The following STARD13 variants were observed in gnomAD, a reference collection of about 807,000 sequenced individuals.
The protein encoded by STARD13 is stAR-related lipid transfer protein 13.
In STARD13, 62 loss-of-function variants were observed where a neutral mutation model predicts 106.4. The ratio of observed to expected loss-of-function variants is 0.58; its 90% CI spans 0.48 to 0.72. The LOEUF (loss-of-function observed/expected upper bound fraction) is 0.72. Ranked by LOEUF, STARD13 falls within the 30% of genes least tolerant of loss-of-function variation. The pLI, the probability that STARD13 is intolerant of heterozygous loss-of-function variation, is 0.00. For synonymous variants in STARD13, 565 were observed against 553.0 expected (o/e 1.02, Z -0.31); for missense variants, 1,387 against 1,424.0 (o/e 0.97, Z 0.42).
chr13:33,362,891 G>A, the STARD13 span, among the ~76,000 whole-genome samples: 1 of 152,204 alleles, frequency 6.6e-6, no homozygotes, highest in South Asian at 2.1e-4. Context: ...ACCTAGAGCA[G>A]TGTTTGATAC....
the STARD13 span, among the ~76,000 whole-genome samples, chr13:33,484,505 C>T: frequency 6.6e-6 from 1 of 152,144 alleles, no homozygotes; most frequent in Non-Finnish European, 1.5e-5. Context: ...CTGTAGCCCC[C>T]ACCCAGAAGC....
At chr13:33,108,349 T>C (rs975046211) in intron 12 of STARD13, among the ~76,000 whole-genome samples, 2 of 152,218 alleles carry the variant, frequency 1.3e-5, no homozygotes, top group South Asian at 2.1e-4. Flanking sequence ...ATCTGGTTCA[T>C]TGTTAGCCCG....
chr13:33,357,757 C>T, the STARD13 span, among the ~76,000 whole-genome samples: 2 of 152,164 alleles, frequency 1.3e-5, no homozygotes, highest in Non-Finnish European at 2.9e-5. Context: ...ATATGAAACC[C>T]CATCTCTACT....
intron 1 of STARD13, chr13:33,279,789 TTA>T (rs1186044142): frequency 1.3e-5 from 2 of 152,250 alleles, no homozygotes; most frequent in African/African-American, 4.8e-5. Context: ...TTGACTTCTT[TTA>T]GTTTTACTAT....
At chr13:33,106,325 G>C (rs2138048967) in intron 13 of STARD13, among the ~76,000 whole-genome samples, 1 of 152,322 alleles carries the variant, frequency 6.6e-6, no homozygotes, top group East Asian at 1.9e-4. Context: ...GGAGGCTGAG[G>C]AGGGAGGATC....
At chr13:33,671,811 T>C in the STARD13 span, among the ~76,000 whole-genome samples, 4 of 152,190 alleles carry the variant, frequency 2.6e-5, no homozygotes, top group Non-Finnish European at 4.4e-5. Context: ...CCTAAAATAA[T>C]ACATAAGTCA....
chr13:33,255,916 T>C (rs545198502), intron 1 of STARD13, among the ~76,000 whole-genome samples: 1 of 152,304 alleles, frequency 6.6e-6, no homozygotes, highest in East Asian at 1.9e-4. Context: ...ACAGGTAGTA[T>C]AAGACTCTTC....
the STARD13 span, among the ~76,000 whole-genome samples, chr13:33,479,413 A>T: frequency 6.6e-6 from 1 of 152,230 alleles, no homozygotes; most frequent in African/African-American, 2.4e-5. Flanking sequence ...ATGCAAAAAG[A>T]CAGATGCATA....
At chr13:33,419,143 G>T in the STARD13 span, among the ~76,000 whole-genome samples, 1 of 152,196 alleles carries the variant, frequency 6.6e-6, no homozygotes, top group African/African-American at 2.4e-5. Context: ...GTAAGCTTCA[G>T]AAGGTTGGTA....
chr13:33,220,032 T>C (rs1888268346), intron 1 of STARD13, among the ~76,000 whole-genome samples: 1 of 152,178 alleles, frequency 6.6e-6, no homozygotes, highest in Admixed American at 6.5e-5. Context: ...GCTCACTTTT[T>C]GGCTTTAATG....
intron 1 of STARD13, among the ~76,000 whole-genome samples, chr13:33,207,905 C>T (rs1887506985): frequency 6.6e-6 from 1 of 152,194 alleles, no homozygotes; most frequent in Non-Finnish European, 1.5e-5. Flanking sequence ...GCTGCTCCTG[C>T]TCCTACCCTG....
intron 1 of STARD13, chr13:33,180,607 G>A (rs989732484): frequency 1.5e-4 from 23 of 152,162 alleles, no homozygotes; most frequent in African/African-American, 4.8e-4. Flanking sequence ...GGAGTCCAAG[G>A]TCATTGATCT....
the STARD13 span, among the ~76,000 whole-genome samples, chr13:33,492,203 A>G: frequency 6.6e-6 from 1 of 152,194 alleles, no homozygotes; most frequent in Non-Finnish European, 1.5e-5. Flanking sequence ...ATCTGGATGT[A>G]TATGTGCAGG....
At chr13:33,114,007 G>T (rs1875002408) in intron 8 of STARD13, among the ~76,000 whole-genome samples, 1 of 152,182 alleles carries the variant, frequency 6.6e-6, no homozygotes, top group African/African-American at 2.4e-5. Context: ...TTCTCAAGGG[G>T]TGGGGAGGTG....
At position 33,130,430 on chromosome 13, in the gene STARD13, C is replaced by T. The variant is rs1878121669; in HGVS notation, c.388-141G>A. ...TGCACAGGTGTGAGCTTCTTGGGCA[C>T]CTCTAAGCTGTCCTTCTACCACTTG... On this transcript the variant is annotated intron_variant, in intron 4 of 13. Coordinates refer to ENST00000336934, the MANE Select transcript of STARD13 (RefSeq NM_178006.4). The surrounding 1 kb of genome is among the most constrained non-coding windows in gnomAD (Gnocchi z 4.1). 1.3e-6 allele frequency: 1 copy of T among 751,388 alleles called. No homozygotes were observed. Among genetic ancestry groups the T allele is most frequent in the Non-Finnish European group, 2.1e-6 (1 of 468,654 alleles). The allele number at this position is 751,388 out of a possible 1,614,324, so 46.5% of individuals were successfully genotyped here. A position where few individuals can be genotyped will look rare whatever the true frequency, so the allele number is the denominator to read the frequency against.
chr13:33,672,494 C>T, the STARD13 span, among the ~76,000 whole-genome samples: 7 of 152,168 alleles, frequency 4.6e-5, no homozygotes, highest in Admixed American at 6.5e-5. Flanking sequence ...AACAAACCTG[C>T]ACGTTCTGCA....
chr13:33,552,173 G>A, the STARD13 span, among the ~76,000 whole-genome samples: 1 of 152,156 alleles, frequency 6.6e-6, no homozygotes, highest in Admixed American at 6.5e-5. Flanking sequence ...GAGAGATATA[G>A]ACAATAATAA....
At chr13:33,420,022 T>C in the STARD13 span, among the ~76,000 whole-genome samples, 1 of 152,324 alleles carries the variant, frequency 6.6e-6, no homozygotes, top group South Asian at 2.1e-4. Context: ...GTAAAGACCA[T>C]TGATGCTATG....
At chr13:33,550,732 T>A in the STARD13 span, among the ~76,000 whole-genome samples, 1 of 152,264 alleles carries the variant, frequency 6.6e-6, no homozygotes, top group Non-Finnish European at 1.5e-5. Flanking sequence ...GTGGCATGTA[T>A]TCACTGTGAC....
Sources: gnomAD v4.1 joint callset for allele counts (sites outside exome capture counted in the v4.1 genomes callset) on GRCh38, gnomAD v4.1.1 for gene constraint, Gnocchi (gnomAD v3.1) non-coding constraint, MANE v1.5 for transcripts, NCBI Gene and HGNC (gene_info 2026-07-23, HGNC 2026-07-21) for gene names.